Variants in ANKIB1 observed in about 807,000 individuals in gnomAD.
ANKIB1 encodes ankyrin repeat and IBR domain-containing protein 1.
In ANKIB1, 43 loss-of-function variants were observed where a neutral mutation model predicts 122.1. The ratio of observed to expected loss-of-function variants is 0.35; its 90% CI spans 0.28 to 0.45. The LOEUF (loss-of-function observed/expected upper bound fraction) is 0.45, where lower values mean the gene tolerates loss of function less well. Among genes scored for constraint, ANKIB1 ranks in the 20% least tolerant of loss-of-function variants. The pLI, the probability that ANKIB1 is intolerant of heterozygous loss-of-function variation, is 1.00. For synonymous variants in ANKIB1, 390 were observed against 442.0 expected, an observed-to-expected ratio of 0.88 and a Z score of 1.48; for missense variants, 992 against 1,329.5, an observed-to-expected ratio of 0.75 and a Z score of 3.95.
chr7:92,266,100 G>C (rs1801667317), intron 1 of ANKIB1, among the ~76,000 whole-genome samples: 1 of 152,162 alleles, frequency 6.6e-6, no homozygotes, highest in Non-Finnish European at 1.5e-5. Context: ...CTGAGAACCA[G>C]GTGTCCAGTG....
Position 92,362,218 on chromosome 7 carries a change from C to T in ANKIB1, c.1431C>T (p.Asp477=). The change falls in exon 10 of 20, where the codon GAC becomes GAT. Residue 477 remains aspartate (D), a synonymous_variant. Coordinates refer to ENST00000265742, the MANE Select transcript of ANKIB1 (RefSeq NM_019004.2). The part of the protein sequence containing the change: ...ECLGEAHEPC[D]CQTWKNWLQK... ...TTGGTGAAGCACATGAGCCTTGTGA[C>T]TGCCAAACATGGAAGAATTGGCTGC... 2 of 1,601,506 alleles carry T rather than the reference C, an allele frequency of 1.2e-6. No homozygotes were observed. Among genetic ancestry groups the T allele is most frequent in the Non-Finnish European group, 1.7e-6 (2 of 1,173,834 alleles).
chr7:92,297,493 A>C (rs141692122), intron 2 of ANKIB1, among the ~76,000 whole-genome samples: 1 of 152,168 alleles, frequency 6.6e-6, no homozygotes, highest in Admixed American at 6.6e-5. Context: ...TCTCACCGCT[A>C]TAATCCTTAA....
At chr7:92,269,949 C>A (rs894695432) in intron 1 of ANKIB1, among the ~76,000 whole-genome samples, 2 of 151,652 alleles carry the variant, frequency 1.3e-5, no homozygotes, top group Non-Finnish European at 2.9e-5. Context: ...CTCGCCAATC[C>A]CCCACCCCCC....
At chr7:92,251,402 G>A (rs1398011059) in intron 1 of ANKIB1, among the ~76,000 whole-genome samples, 1 of 152,144 alleles carries the variant, frequency 6.6e-6, no homozygotes, top group East Asian at 1.9e-4. Context: ...ATTCAGCCAG[G>A]GTTTTCATTC....
chr7:92,389,122 A>G (rs1324110066), intron 14 of ANKIB1, among the ~76,000 whole-genome samples: 1 of 152,162 alleles, frequency 6.6e-6, no homozygotes. Context: ...TCCAGGCAGC[A>G]TAATAAATTA....
intron 1 of ANKIB1, among the ~76,000 whole-genome samples, chr7:92,278,223 C>A (rs1801944546): frequency 1.3e-5 from 2 of 152,036 alleles, no homozygotes; most frequent in African/African-American, 2.4e-5. Context: ...TGTACTCCAG[C>A]CTGGGCTACA....
In ANKIB1 at chr7:92,370,838, T is replaced by C. The variant is rs2115637251; in HGVS notation, c.1487-639T>C. Reference sequence around the variant, plus strand: ...CCCTTGAAGGAACTGGGGAGATAAGTTGGTTTTCTATGCTTTAATTGTCTA... The same window carrying C: ...CCCTTGAAGGAACTGGGGAGATAAGCTGGTTTTCTATGCTTTAATTGTCTA... On this transcript the variant is annotated intron_variant, in intron 10 of 19. Transcript: ENST00000265742. 2.0e-5 allele frequency among the ~76,000 whole-genome samples: 3 copies of C among 152,194 alleles called. No homozygotes were observed. The East Asian group carries it at 5.8e-4, about 29-fold the overall frequency.
intron 1 of ANKIB1, among the ~76,000 whole-genome samples, chr7:92,293,387 G>C (rs1021260506): frequency 1.3e-5 from 2 of 152,056 alleles, no homozygotes; most frequent in African/African-American, 2.4e-5. Context: ...ATGAGATCTG[G>C]CTCTGTTGCC....
chr7:92,393,737 AGTTTT>A (rs1351255494), intron 17 of ANKIB1, among the ~76,000 whole-genome samples: 2 of 152,082 alleles, frequency 1.3e-5, no homozygotes, highest in African/African-American at 4.8e-5. Flanking sequence ...ACTTACTTTT[AGTTTT>A]CTTTAGTCTT....
At chr7:92,349,104 G>A (rs975638991) in intron 7 of ANKIB1, among the ~76,000 whole-genome samples, 10 of 152,218 alleles carry the variant, frequency 6.6e-5, no homozygotes, top group African/African-American at 1.9e-4. Flanking sequence ...AAAAACTTGA[G>A]CATGTTTATT....
chr7:92,369,871 A>T (rs1439066305), intron 10 of ANKIB1, among the ~76,000 whole-genome samples: 1 of 152,130 alleles, frequency 6.6e-6, no homozygotes, highest in Non-Finnish European at 1.5e-5. Flanking sequence ...TGCATCTGGA[A>T]CTCTCTAGCC....
chr7:92,307,289 T>C, intron 2 of ANKIB1, 70 bp from the exon 3 acceptor site: 2 of 1,405,228 alleles, frequency 1.4e-6, no homozygotes, highest in Non-Finnish European at 1.9e-6. Flanking sequence ...AAAAGTGTTA[T>C]CTTCAATGTA....
chr7:92,254,340 C>G (rs1801390831), intron 1 of ANKIB1, among the ~76,000 whole-genome samples: 1 of 152,086 alleles, frequency 6.6e-6, no homozygotes, highest in Non-Finnish European at 1.5e-5. Flanking sequence ...CTCTAGTATT[C>G]TATTATGAAT....
rs948322983 is a variant in ANKIB1, at chr7:92,258,775, A to G, written c.-91+12256A>G. ...GCAGCCATTTGCAGGATGGGTTGGA[A>G]TGGGAAAAGACAGAGTGTAGGTTCT... On this transcript the variant is annotated intron_variant, in intron 1 of 19. Coordinates refer to ENST00000265742, the MANE Select transcript of ANKIB1 (RefSeq NM_019004.2). 5.9e-5 allele frequency among the ~76,000 whole-genome samples: 9 copies of G among 152,286 alleles called. No individual in the cohort carries two copies. In the South Asian group the frequency reaches 1.9e-3, roughly 32 times the overall value.
At chr7:92,259,295 C>T (rs925576934) in intron 1 of ANKIB1, among the ~76,000 whole-genome samples, 2 of 152,110 alleles carry the variant, frequency 1.3e-5, no homozygotes, top group Non-Finnish European at 2.9e-5. Context: ...ATAATGTCCA[C>T]GTGCCAGGTC....
At chr7:92,266,282 C>G (rs1801670834) in intron 1 of ANKIB1, among the ~76,000 whole-genome samples, 1 of 152,042 alleles carries the variant, frequency 6.6e-6, no homozygotes, top group South Asian at 2.1e-4. Flanking sequence ...AGTTAAGTGA[C>G]AGAAACCACA....
rs145249990 is a variant in ANKIB1, at chr7:92,312,034, C to T, written c.486+4378C>T. 3.1e-3 allele frequency among the ~76,000 whole-genome samples: 474 copies of T among 152,220 alleles called. 2 individuals are homozygous for T. The highest frequency in any genetic ancestry group is 0.01 in the Middle Eastern group (3 of 294). ...CTATTAATGATGCTACCATTATCTC[C>T]TTATCCAGTATTGATACCTGCACTT... is the stretch of plus-strand genomic sequence containing the variant. On this transcript the variant is annotated intron_variant, in intron 3 of 19. Transcript: ENST00000265742.
intron 5 of ANKIB1, among the ~76,000 whole-genome samples, chr7:92,336,893 T>C (rs1277273107): frequency 6.6e-6 from 1 of 152,186 alleles, no homozygotes; most frequent in Admixed American, 6.6e-5. Context: ...CCAATATTTG[T>C]AGCTGTTATC....
Position 92,344,958 on chromosome 7 carries a change from T to C in ANKIB1, c.997-20T>C. 1 of 1,569,820 alleles carries C rather than the reference T, an allele frequency of 6.4e-7. No homozygotes were observed. ...CAGAAGTACATTTCTGTTTAAATCA[T>C]TGTTCTTCTTCATCTCCAGTGTGAC... On this transcript the variant is annotated intron_variant, in intron 6 of 19. Transcript: ENST00000265742.
Sources: gnomAD v4.1 joint callset for allele counts (sites outside exome capture counted in the v4.1 genomes callset) on GRCh38, gnomAD v4.1.1 for gene constraint, MANE v1.5 for transcripts, NCBI Gene and HGNC (gene_info 2026-07-23, HGNC 2026-07-21) for gene names.